Variants in INCENP observed in about 807,000 individuals in gnomAD.
The protein encoded by INCENP is binds and activates aurora-B and -C in vivo and in vitro.
Under a neutral mutation model 107.3 loss-of-function variants are expected in INCENP, and 43 were observed. The ratio of observed to expected loss-of-function variants is 0.40; its 90% CI spans 0.31 to 0.52. The LOEUF is 0.52. Ranked by LOEUF, INCENP falls within the 20% of genes least tolerant of loss-of-function variation. The probability of loss-of-function intolerance (pLI) is 0.53; values close to 1 mark genes in which losing one functional copy is unlikely to be tolerated. For synonymous variants in INCENP, 488 were observed against 494.4 expected (o/e 0.99, Z 0.17); for missense variants, 1,089 against 1,250.9 (o/e 0.87, Z 1.95).
intron 4 of INCENP, among the ~76,000 whole-genome samples, chr11:62,134,083 A>G (rs1197516624): frequency 1.3e-5 from 2 of 152,134 alleles, no homozygotes; most frequent in East Asian, 3.9e-4. Flanking sequence ...GGGAACAGGC[A>G]TGCTCCCAGC....
chr11:62,146,249 G>A (rs957967042), intron 14 of INCENP, among the ~76,000 whole-genome samples: 2 of 152,304 alleles, frequency 1.3e-5, no homozygotes, highest in Non-Finnish European at 2.9e-5. Context: ...GGGGTTATGT[G>A]ACTAGTCACC....
rs372451815 is a variant in INCENP at position 62,138,705 on chromosome 11, G to A, written c.1116-8G>A. ...GCAGTCCCCTCAGAGTCCCTCTTCT[G>A]TTTTCAGTTCTGAGCAGAAGGAACC... On this transcript the variant is annotated splice_region_variant and splice_polypyrimidine_tract_variant and intron_variant, in intron 5 of 18. Transcript: ENST00000394818. 1.2e-6 allele frequency: 2 copies of A among 1,614,008 alleles called. No homozygotes were observed. The highest frequency in any genetic ancestry group is 1.7e-5 in the Admixed American group (1 of 60,028).
chr11:62,146,601 G>A, intron 14 of INCENP, 57 bp from the exon 15 acceptor site: 1 of 1,544,492 alleles, frequency 6.5e-7, no homozygotes, highest in Non-Finnish European at 8.7e-7. Context: ...TAGGGCTGCT[G>A]TCCTGCCTCT....
chr11:62,145,005 G>A lies in INCENP; in HGVS notation c.1629G>A (p.Glu543=), dbSNP rs1347349649. 6.2e-7 allele frequency: 1 copy of A among 1,604,716 alleles called. No homozygotes were observed. Among genetic ancestry groups the A allele is most frequent in the South Asian group, 1.1e-5 (1 of 90,056 alleles). The change falls in exon 12 of 19, where the codon GAG becomes GAA. Residue 543 remains glutamate, a synonymous_variant. Coordinates refer to ENST00000394818, the MANE Select transcript of INCENP (RefSeq NM_001040694.2). ...SFVEKERQRL[E]NLRRKEEAEQ... Reference sequence around the variant, plus strand: ...AGGAGAAGGAGCGGCAGCGCCTGGAGAATCTGCGGCGGAAGGAGGAGGCCG... The same window carrying A: ...AGGAGAAGGAGCGGCAGCGCCTGGAAAATCTGCGGCGGAAGGAGGAGGCCG...
chr11:62,143,140 A>G (rs180688918), intron 11 of INCENP, among the ~76,000 whole-genome samples: 101 of 152,312 alleles, frequency 6.6e-4, no homozygotes, highest in Non-Finnish European at 4.7e-4. Flanking sequence ...GACAGACAGA[A>G]GAGCAACACA....
chr11:62,135,009 C>T (rs1449812466), intron 4 of INCENP, among the ~76,000 whole-genome samples: 2 of 152,062 alleles, frequency 1.3e-5, no homozygotes, highest in Non-Finnish European at 2.9e-5. Context: ...TGAATTCACG[C>T]CACTTCACTC....
In INCENP at chr11:62,130,492, A is replaced by T; in HGVS notation, c.965A>T (p.Tyr322Phe). The T allele has an allele frequency of 6.2e-7, 1 of 1,613,948 alleles. No homozygotes were observed. Among genetic ancestry groups the T allele is most frequent in the Non-Finnish European group, 8.5e-7 (1 of 1,180,008 alleles). Reference sequence around the variant, plus strand: ...AGTCCCCAAGTCTTAGCCCAGAAGTACTCTCTGGTGGCCAAACAGGAAAGT... The same window carrying T: ...AGTCCCCAAGTCTTAGCCCAGAAGTTCTCTCTGGTGGCCAAACAGGAAAGT... ...SPSPQVLAQK[Y>F]SLVAKQESVV... Residue 322 changes from tyrosine to phenylalanine, a missense_variant, in exon 4 of 19, where the codon TAC becomes TTC. Coordinates refer to ENST00000394818, the MANE Select transcript of INCENP (RefSeq NM_001040694.2).
rs779937744 is a variant in INCENP at position 62,128,172 on chromosome 11, C to T, written c.11C>T (p.Thr4Met). 1.4e-5 allele frequency: 22 copies of T among 1,614,034 alleles called. No homozygotes were observed. The highest frequency in any genetic ancestry group is 1.6e-4 in the Middle Eastern group (1 of 6,082). Residue 4 changes from threonine (T) to methionine (M), a missense_variant, in exon 2 of 19, where the codon ACG becomes ATG. Physicochemically the swap from Thr to Met is moderately conservative, Grantham distance 81. Coordinates refer to ENST00000394818, the MANE Select transcript of INCENP (RefSeq NM_001040694.2). Reference sequence around the variant, plus strand: ...CCAGACAGAGCCACCATGGGGACGACGGCCCCAGGGCCCATTCACCTGCTG... The same window carrying T: ...CCAGACAGAGCCACCATGGGGACGATGGCCCCAGGGCCCATTCACCTGCTG... Reference protein sequence around the residue: MGTTAPGPIHLLEL... With the variant: MGTMAPGPIHLLEL...
At chr11:62,150,245 C>G (rs768153948) in intron 18 of INCENP, 38 bp downstream of exon 18, 1 of 1,607,814 alleles carries the variant, frequency 6.2e-7, no homozygotes, top group Non-Finnish European at 8.5e-7. Context: ...GACTCAGGCC[C>G]TCCCTGGTCC....
intron 5 of INCENP, among the ~76,000 whole-genome samples, chr11:62,138,187 G>A (rs117581033): frequency 3.9e-5 from 6 of 152,298 alleles, no homozygotes; most frequent in Non-Finnish European, 4.4e-5. Context: ...ACTGGCTGGG[G>A]TAGGATAGGA....
chr11:62,144,691 T>A (rs1257052660), intron 11 of INCENP: 5 of 695,210 alleles, frequency 7.2e-6, no homozygotes, highest in South Asian at 5.5e-5. Flanking sequence ...AGCACATAAA[T>A]CCTATTTGGA....
At position 62,140,973 on chromosome 11, in the gene INCENP, C is replaced by G; in HGVS notation, c.1522C>G (p.Pro508Ala). The part of the protein sequence containing the change: ...TVQRNQMLMT[P>A]TSAPRSVMKS... ...GCAGAGGAACCAGATGCTCATGACCCCGACCTCAGCCCCACGCAGCGTCAT... is the reference window on the plus strand; with the variant it reads ...GCAGAGGAACCAGATGCTCATGACCGCGACCTCAGCCCCACGCAGCGTCAT... The change falls in exon 10 of 19, where the codon CCG becomes GCG. Residue 508 changes from proline to alanine, a missense_variant. Transcript: ENST00000394818. 1 of 1,614,242 alleles carries G rather than the reference C, an allele frequency of 6.2e-7. No individual in the cohort carries two copies. The highest frequency in any genetic ancestry group is 1.1e-5 in the South Asian group (1 of 91,088).
rs768284528 is a variant in INCENP at position 62,130,416 on chromosome 11, C to T, written c.889C>T (p.Arg297Cys). Residue 297 changes from arginine (R) to cysteine (C), a missense_variant, in exon 4 of 19, where the codon CGC (arginine) becomes TGC (cysteine). Arg to Cys is a radical substitution (Grantham distance 180). Transcript: ENST00000394818. ...TAACTTCTCCACGCCCACGGGCTCTCGCACGGACTCTCAATCGGTGCGGCA... is the reference window on the plus strand; with the variant it reads ...TAACTTCTCCACGCCCACGGGCTCTTGCACGGACTCTCAATCGGTGCGGCA... ...PDNFSTPTGS[R>C]TDSQSVRHSP... is the part of the protein sequence containing the mutation. 3.1e-6 allele frequency: 5 copies of T among 1,613,718 alleles called. No individual in the cohort carries two copies. Among genetic ancestry groups the T allele is most frequent in the African/African-American group, 1.3e-5 (1 of 75,074 alleles).
At chr11:62,128,978 TAGC>T (rs942809386) in intron 3 of INCENP, 95 bp downstream of exon 3, 12 of 826,282 alleles carry the variant, frequency 1.5e-5, no homozygotes, top group African/African-American at 1.7e-5. Context: ...GATTTGGAAG[TAGC>T]AGCCTGTAGG....
chr11:62,131,178 T>TG (rs1158499117), intron 4 of INCENP, among the ~76,000 whole-genome samples: 1 of 152,226 alleles, frequency 6.6e-6, no homozygotes, highest in East Asian at 1.9e-4. Flanking sequence ...AAGCTGACTC[T>TG]GGAGCTGGCC....
In INCENP at chr11:62,145,737, A is replaced by C. The variant is rs146571188; in HGVS notation, c.1945A>C (p.Arg649=). 2.6e-5 allele frequency: 41 copies of C among 1,553,376 alleles called. No homozygotes were observed. The African/African-American group carries it at 5.1e-4, about 19-fold the overall frequency. ...RKQEEEARRL[R]WLQQEEEERR... ...GCAGGAAGAGGAGGCACGTAGGCTC[A>C]GGTGGCTGCAGCAGGTGCGAGCACA... Residue 649 remains arginine, a synonymous_variant, in exon 14 of 19, where the codon AGG becomes CGG. Transcript: ENST00000394818.
chr11:62,151,310 G>T (rs1297934786), intron 18 of INCENP, among the ~76,000 whole-genome samples: 11 of 152,176 alleles, frequency 7.2e-5, no homozygotes, highest in Non-Finnish European at 1.3e-4. Context: ...CTGCCCAGAG[G>T]CCCCCTCAGC....
Position 62,131,808 on chromosome 11 carries a change from C to A in INCENP, c.1063+1218C>A, listed in dbSNP as rs1465439808. On this transcript the variant is annotated intron_variant, in intron 4 of 18. Coordinates refer to ENST00000394818, the MANE Select transcript of INCENP (RefSeq NM_001040694.2). Reference sequence around the variant, plus strand: ...TTTTTTTTTTTTTGATACAGAGTCTCGCTCTGTTGCCCAGGCTGGAGTGCA... The same window carrying A: ...TTTTTTTTTTTTTGATACAGAGTCTAGCTCTGTTGCCCAGGCTGGAGTGCA... Among the ~76,000 whole-genome samples the A allele has an allele frequency of 2.6e-5, 4 of 151,734 alleles. No individual in the cohort carries two copies. In the East Asian group the frequency reaches 5.8e-4, roughly 22 times the overall value.
At chr11:62,132,736 G>T (rs980458991) in intron 4 of INCENP, among the ~76,000 whole-genome samples, 2 of 152,100 alleles carry the variant, frequency 1.3e-5, no homozygotes, top group Admixed American at 6.5e-5. Context: ...CCATGAATGG[G>T]CTTCTGATTT....
Sources: gnomAD v4.1 joint callset for allele counts (sites outside exome capture counted in the v4.1 genomes callset) on GRCh38, gnomAD v4.1.1 for gene constraint, MANE v1.5 for transcripts, NCBI Gene and HGNC (gene_info 2026-07-23, HGNC 2026-07-21) for gene names.